The following GPA33 variants were observed in gnomAD, a reference collection of about 807,000 sequenced individuals.
GPA33 encodes glycoprotein A33, also known as cell surface A33 antigen.
GPA33 carries 27 observed loss-of-function variants against 35.6 expected under a neutral mutation model. The observed-to-expected ratio is 0.76, with a 90% CI of 0.56 to 1.04. The LOEUF (loss-of-function observed/expected upper bound fraction) is 1.04, where lower values mean the gene tolerates loss of function less well. Ranked by LOEUF, GPA33 falls within the 50% of genes least tolerant of loss-of-function variation. The pLI, the probability that GPA33 is intolerant of heterozygous loss-of-function variation, is 0.00. For synonymous variants in GPA33, 176 were observed against 164.0 expected (o/e 1.07, Z -0.56); for missense variants, 428 against 411.9 (o/e 1.04, Z -0.34).
intron 1 of GPA33, among the ~76,000 whole-genome samples, chr1:167,083,007 A>T (rs1666982097): frequency 6.6e-6 from 1 of 152,132 alleles, no homozygotes; most frequent in African/African-American, 2.4e-5. Context: ...CAGAGAGAAG[A>T]CGATGGAGGG....
chr1:167,056,657 G>GGT (rs1558001745), intron 4 of GPA33, among the ~76,000 whole-genome samples: 54 of 23,882 alleles, frequency 2.3e-3, no homozygotes, highest in African/African-American at 2.7e-3. Flanking sequence ...TAGTGTGTGT[G>GGT]GTACGGTGAG....
rs1384606029 is a variant in GPA33, at chr1:167,073,455, C to A, written c.128G>T (p.Cys43Phe). The change falls in exon 2 of 7, where the codon TGC becomes TTC. Residue 43 changes from cysteine (C) to phenylalanine (F), a missense_variant. Physicochemically the swap from Cys to Phe is radical, Grantham distance 205 (BLOSUM62 -2). Transcript: ENST00000367868. ...ASQGKSVTLP[C>F]TYHTSTSSRE... The stretch of plus-strand genomic sequence containing the variant: ...ACTGGAGGTGGAAGTGTGGTAGGTG[C>A]AGGGCAGGGTGACACTCTTTCCCTG... 1.2e-6 allele frequency: 2 copies of A among 1,612,746 alleles called. No homozygotes were observed. Among genetic ancestry groups the A allele is most frequent in the Non-Finnish European group, 1.7e-6 (2 of 1,179,136 alleles).
chr1:167,088,625 G>A (rs1667100359), intron 1 of GPA33, among the ~76,000 whole-genome samples: 1 of 152,188 alleles, frequency 6.6e-6, no homozygotes, highest in African/African-American at 2.4e-5. Context: ...CTCATAGGAA[G>A]AAGCAAAATG....
At chr1:167,069,967 T>C (rs1666683020) in intron 2 of GPA33, among the ~76,000 whole-genome samples, 1 of 152,190 alleles carries the variant, frequency 6.6e-6, no homozygotes, top group Non-Finnish European at 1.5e-5. Flanking sequence ...ATGGAAGTGA[T>C]AGACAACCAA....
intron 4 of GPA33, among the ~76,000 whole-genome samples, chr1:167,062,642 C>CTTCCT (rs1666482704): frequency 4.3e-5 from 3 of 69,934 alleles, no homozygotes; most frequent in African/African-American, 1.3e-4. Flanking sequence ...TTATATAGCT[C>CTTCCT]TTTCTTTTTT....
At chr1:167,089,751 TTTG>T (rs1315688351) in intron 1 of GPA33, among the ~76,000 whole-genome samples, 3 of 152,020 alleles carry the variant, frequency 2.0e-5, no homozygotes, top group Non-Finnish European at 4.4e-5. Context: ...ACCCATCTAG[TTTG>T]TTGTTTGTTT....
intron 2 of GPA33, among the ~76,000 whole-genome samples, chr1:167,071,502 G>A (rs981135999): frequency 1.3e-5 from 2 of 152,210 alleles, no homozygotes; most frequent in Admixed American, 6.5e-5. Context: ...GGCTAATGAA[G>A]CACATATCCT....
rs954241350 is a variant in GPA33 at position 167,055,929 on chromosome 1, T to C, written c.572-80A>G. On this transcript the variant is annotated intron_variant, in intron 4 of 6. Transcript: ENST00000367868. ...GCCAGGAATGGGAGGTCTGGACTCC[T>C]TGGGAAGCACAACCTCTGCCACTGA... is the stretch of plus-strand genomic sequence containing the variant. The C allele has an allele frequency of 3.4e-6, 5 of 1,460,342 alleles. No individual in the cohort carries two copies. In the African/African-American group the frequency reaches 6.9e-5, roughly 20 times the overall value. 90.5% of individuals were successfully genotyped at this position (1,460,342 alleles called of 1,614,324 possible).
rs551752831 is a variant in GPA33, at chr1:167,054,523, G to A, written c.828-57C>T. The A allele has an allele frequency of 2.4e-4, 389 of 1,610,326 alleles. 3 individuals carry two copies. In the Middle Eastern group the frequency reaches 7.6e-3, roughly 32 times the overall value. On this transcript the variant is annotated intron_variant, in intron 6 of 6. Transcript: ENST00000367868. ...TTTGCTCTCAGGTGGACCCTCAAGG[G>A]AGCTGGGCCTCATGTGCATTACAGG...
At position 167,090,290 on chromosome 1, in the gene GPA33, T is replaced by C; in HGVS notation, c.-3A>G. On this transcript the variant is annotated 5_prime_UTR_variant, in exon 1 of 7. Transcript: ENST00000367868. ...ACAGGCCACATCTTCCCCACCATGG[T>C]CTTGCTTCTTCTCTGCCCTAAACCT... The C allele has an allele frequency of 6.2e-7, 1 of 1,613,156 alleles. No homozygotes were observed.
At position 167,062,646 on chromosome 1, in the gene GPA33, C is replaced by CTTTTTTTTTTTTTTTT. The variant is rs768326263; in HGVS notation, c.571+920_571+935dup. ...TGGTAGGATTTTTATATAGCTCTTT[C>CTTTTTTTTTTTTTTTT]TTTTTTTTTTTTTTTTTTTTTCAGT... On this transcript the variant is annotated intron_variant, in intron 4 of 6. Coordinates refer to ENST00000367868, the MANE Select transcript of GPA33 (RefSeq NM_005814.3). Among the ~76,000 whole-genome samples the CTTTTTTTTTTTTTTTT allele has an allele frequency of 1.1e-4, 9 of 79,988 alleles. 1 individual carries two copies. Among genetic ancestry groups the CTTTTTTTTTTTTTTTT allele is most frequent in the Non-Finnish European group, 1.9e-4 (8 of 42,532 alleles). The allele number at this position is 79,988 out of a possible 152,430, so 52.5% of individuals were successfully genotyped here.
At chr1:167,085,262 G>A (rs1345742851) in intron 1 of GPA33, among the ~76,000 whole-genome samples, 2 of 152,142 alleles carry the variant, frequency 1.3e-5, no homozygotes, top group African/African-American at 4.8e-5. Context: ...AAGGAGACAT[G>A]GAAACATCAA....
rs1405313247 is a variant in GPA33, at chr1:167,055,107, G to A, written c.696C>T (p.Ser232=). The A allele has an allele frequency of 6.2e-7, 1 of 1,612,442 alleles. No individual in the cohort carries two copies. The highest frequency in any genetic ancestry group is 8.5e-7 in the Non-Finnish European group (1 of 1,179,870). ...TGCCCACATACAGGGCCACGTTCAT[G>A]GAGGCTGCAAGAGGACAGAGCAGCT... ...CNITVAVRSP[S]MNVALYVGIA... Residue 232 remains serine, a synonymous_variant, in exon 6 of 7, where the codon TCC becomes TCT. Transcript: ENST00000367868.
At chr1:167,083,959 G>T (rs116582486) in intron 1 of GPA33, among the ~76,000 whole-genome samples, 715 of 152,236 alleles carry the variant, frequency 4.7e-3, no homozygotes, top group African/African-American at 0.017. Flanking sequence ...CATCCAAGTA[G>T]TTGAGGACAA....
Position 167,054,481 on chromosome 1 carries a change from G to A in GPA33, c.828-15C>T, listed in dbSNP as rs772376155. The A allele has an allele frequency of 6.2e-7, 1 of 1,614,014 alleles. No individual in the cohort carries two copies. On this transcript the variant is annotated splice_polypyrimidine_tract_variant and intron_variant, in intron 6 of 6. Transcript: ENST00000367868. ...CTTCCCGGTTCCTGCAGGGCAGCAG[G>A]GGACAGAGGGGAAGGATTTGCTCTC...
chr1:167,070,784 A>G (rs192017920), intron 2 of GPA33, among the ~76,000 whole-genome samples: 1 of 152,202 alleles, frequency 6.6e-6, no homozygotes, highest in African/African-American at 2.4e-5. Flanking sequence ...AATGAATTTG[A>G]GGAGTATGAA....
At chr1:167,071,783 C>T (rs1489274311) in intron 2 of GPA33, among the ~76,000 whole-genome samples, 5 of 152,156 alleles carry the variant, frequency 3.3e-5, no homozygotes, top group African/African-American at 1.2e-4. Flanking sequence ...GCTAGAAGAC[C>T]TGCTAGGACC....
At chr1:167,083,105 A>G (rs1666984195) in intron 1 of GPA33, among the ~76,000 whole-genome samples, 1 of 152,152 alleles carries the variant, frequency 6.6e-6, no homozygotes, top group African/African-American at 2.4e-5. Flanking sequence ...AGCTCTTGCA[A>G]TACTGAAACT....
intron 1 of GPA33, among the ~76,000 whole-genome samples, chr1:167,075,900 T>C (rs1666813282): frequency 6.6e-6 from 1 of 152,124 alleles, no homozygotes; most frequent in African/African-American, 2.4e-5. Context: ...GGAGGTCAGC[T>C]ACTCAAATGC....
Sources: gnomAD v4.1 joint callset for allele counts (sites outside exome capture counted in the v4.1 genomes callset) on GRCh38, gnomAD v4.1.1 for gene constraint, MANE v1.5 for transcripts, NCBI Gene and HGNC (gene_info 2026-07-23, HGNC 2026-07-21) for gene names.